Variants in REPS2 observed in about 807,000 individuals in gnomAD.
REPS2 encodes the protein ralBP1-associated Eps domain-containing protein 2.
Under a neutral mutation model 53.6 loss-of-function variants are expected in REPS2, and 23 were observed. The observed-to-expected ratio is 0.43, with a 90% confidence interval of 0.31 to 0.61. REPS2 has a LOEUF of 0.61. Ranked by LOEUF, REPS2 falls within the 20% of genes least tolerant of loss-of-function variation. The pLI is 0.11. For missense variants in REPS2, 446 were observed against 534.9 expected, an observed-to-expected ratio of 0.83 and a Z score of 1.64; for synonymous variants, 238 against 218.6, an observed-to-expected ratio of 1.09 and a Z score of -0.78.
chrX:17,119,848 T>C (rs1262902262), intron 14 of REPS2, among the ~76,000 whole-genome samples: 2 of 105,446 alleles, frequency 1.9e-5, no homozygotes, highest in African/African-American at 6.9e-5. Flanking sequence ...TCTTCTCTGC[T>C]GTCCCCTATC....
intron 1 of REPS2, among the ~76,000 whole-genome samples, chrX:16,976,682 C>A (rs1192797107): frequency 1.8e-5 from 2 of 111,473 alleles, no homozygotes; most frequent in Non-Finnish European, 3.8e-5. Flanking sequence ...CCTCAGTGTT[C>A]TTCAAGAACT....
chrX:17,161,031 A>G, the REPS2 span, among the ~76,000 whole-genome samples: 1 of 111,825 alleles, frequency 8.9e-6, no homozygotes, highest in African/African-American at 3.3e-5. Context: ...TGTAAATGAC[A>G]AGATGTGGAA....
intron 1 of REPS2, among the ~76,000 whole-genome samples, chrX:16,990,458 A>G (rs1325987510): frequency 9.1e-6 from 1 of 110,233 alleles, no homozygotes; most frequent in Non-Finnish European, 1.9e-5. Flanking sequence ...AAAAATACAA[A>G]AAGTAGCTGG....
At chrX:17,069,091 T>G (rs1356584026) in intron 10 of REPS2, among the ~76,000 whole-genome samples, 1 of 112,229 alleles carries the variant, frequency 8.9e-6, no homozygotes, top group Admixed American at 9.4e-5. Context: ...TAGTGCTTTA[T>G]AATCTACCAG....
At chrX:17,117,723 C>T (rs746241277) in intron 14 of REPS2, among the ~76,000 whole-genome samples, 141 of 108,923 alleles carry the variant, frequency 1.3e-3, no homozygotes, top group African/African-American at 4.3e-3. Flanking sequence ...TGAATAGTGC[C>T]GCAATAAACA....
chrX:16,981,592 A>T (rs1279722935), intron 1 of REPS2, among the ~76,000 whole-genome samples: 4 of 112,558 alleles, frequency 3.6e-5, no homozygotes, highest in African/African-American at 1.3e-4. Context: ...GTGAAACTTC[A>T]AATGCATTTT....
chrX:17,159,257 A>G, the REPS2 span, among the ~76,000 whole-genome samples: 3 of 111,837 alleles, frequency 2.7e-5, no homozygotes, highest in South Asian at 1.1e-3. Context: ...GAAGTCATGC[A>G]GAAACAGACT....
At position 16,988,134 on chromosome X, in the gene REPS2, T is replaced by G. The variant is rs933312863; in HGVS notation, c.274-18087T>G. On this transcript the variant is annotated intron_variant, in intron 1 of 17. Coordinates refer to ENST00000357277, the MANE Select transcript of REPS2 (RefSeq NM_004726.3). Reference sequence around the variant, plus strand: ...ACAAAAGTAAAAATAAAAAAAAAATTAGCAGGGTGTTATGGTGCATGTCTG... The same window carrying G: ...ACAAAAGTAAAAATAAAAAAAAAATGAGCAGGGTGTTATGGTGCATGTCTG... Among the ~76,000 whole-genome samples, 3 of 110,778 alleles carry G rather than the reference T, an allele frequency of 2.7e-5. 1 individual carries two copies. The highest frequency in any genetic ancestry group is 5.7e-5 in the Non-Finnish European group (3 of 52,840).
At chrX:17,008,701 A>C (rs961618066) in intron 2 of REPS2, among the ~76,000 whole-genome samples, 2 of 111,840 alleles carry the variant, frequency 1.8e-5, no homozygotes, top group African/African-American at 6.5e-5. Flanking sequence ...TTGTTGCTTG[A>C]AATCTATTAG....
At chrX:17,137,630 A>G (rs2063389341) in intron 16 of REPS2, 1 of 111,148 alleles carries the variant, frequency 9.0e-6, no homozygotes, top group African/African-American at 3.3e-5. Flanking sequence ...TTTAGAGACA[A>G]AGTCTCACTC....
At chrX:17,165,907 A>G in the REPS2 span, among the ~76,000 whole-genome samples, 5 of 111,740 alleles carry the variant, frequency 4.5e-5, no homozygotes, top group African/African-American at 1.6e-4. Context: ...ACTGATATAT[A>G]TGTGAACAAA....
intron 8 of REPS2, among the ~76,000 whole-genome samples, chrX:17,059,411 A>G (rs2062125186): frequency 1.8e-5 from 2 of 108,841 alleles, no homozygotes; most frequent in South Asian, 7.9e-4. Flanking sequence ...ATTGGTGAAG[A>G]GTATAAATTT....
chrX:16,952,771 A>G (rs1024143856), intron 1 of REPS2, among the ~76,000 whole-genome samples: 1 of 111,945 alleles, frequency 8.9e-6, no homozygotes, highest in African/African-American at 3.2e-5. Context: ...ATATTTTTAC[A>G]TCTTTAGATC....
At position 17,041,518 on chromosome X, in the gene REPS2, G is replaced by A. The variant is rs1384102214; in HGVS notation, c.772-5829G>A. Among the ~76,000 whole-genome samples the A allele has an allele frequency of 2.1e-4, 23 of 112,001 alleles. 1 individual carries two copies. The Admixed American group carries it at 2.2e-3, about 11-fold the overall frequency. On this transcript the variant is annotated intron_variant, in intron 5 of 17. Transcript: ENST00000357277. Reference sequence around the variant, plus strand: ...ATTAGCTATCCTTTTCTTTACAGTAGTCAAGTCTTCTCACATCTTTGCTAA... The same window carrying A: ...ATTAGCTATCCTTTTCTTTACAGTAATCAAGTCTTCTCACATCTTTGCTAA...
At chrX:17,101,938 CTT>C (rs1175179820) in intron 13 of REPS2, among the ~76,000 whole-genome samples, 1 of 111,922 alleles carries the variant, frequency 8.9e-6, no homozygotes, top group African/African-American at 3.3e-5. Context: ...GTATAGTCCT[CTT>C]TTTTGTTAAT....
At chrX:17,063,775 G>A (rs1226091584) in intron 9 of REPS2, among the ~76,000 whole-genome samples, 2 of 111,029 alleles carry the variant, frequency 1.8e-5, no homozygotes, top group Non-Finnish European at 3.8e-5. Context: ...TGTTTATCAA[G>A]CCAGGATGGA....
At chrX:17,081,027 A>C (rs1468299806) in intron 13 of REPS2, among the ~76,000 whole-genome samples, 1 of 111,083 alleles carries the variant, frequency 9.0e-6, no homozygotes, top group Non-Finnish European at 1.9e-5. Context: ...TTTATCACTT[A>C]AGACAGACTG....
chrX:17,049,879 T>C (rs914627821), intron 6 of REPS2, among the ~76,000 whole-genome samples: 1 of 110,227 alleles, frequency 9.1e-6, no homozygotes, highest in African/African-American at 3.3e-5. Flanking sequence ...AAGGTTAATT[T>C]ATTATTGATG....
At chrX:17,031,463 ATATT>A (rs1569137363) in intron 5 of REPS2, among the ~76,000 whole-genome samples, 5 of 112,232 alleles carry the variant, frequency 4.5e-5, no homozygotes. Flanking sequence ...CACTCAACTA[ATATT>A]TAGTGAACAC....
Sources: allele counts gnomAD v4.1 joint callset (sites outside exome capture counted in the v4.1 genomes callset), GRCh38; gene constraint gnomAD v4.1.1; transcripts MANE v1.5; gene names NCBI Gene and HGNC (gene_info 2026-07-23, HGNC 2026-07-21).